MED12L: variants seen among roughly 807,000 people sequenced by gnomAD.
MED12L encodes mediator of RNA polymerase II transcription subunit 12-like protein.
A neutral mutation model predicts 281.3 loss-of-function variants in MED12L; 60 were observed. The ratio of observed to expected loss-of-function variants is 0.21; its 90% confidence interval spans 0.17 to 0.26. MED12L has a LOEUF of 0.26. Ranked by LOEUF, MED12L falls within the 10% of genes least tolerant of loss-of-function variation. The pLI is 1.00. For missense variants in MED12L, 2,146 were observed against 2,680.9 expected, an observed-to-expected ratio of 0.80 and a Z score of 4.41; for synonymous variants, 974 against 987.2, an observed-to-expected ratio of 0.99 and a Z score of 0.25.
At chr3:151,211,808 TG>T (rs1727215068) in intron 16 of MED12L, among the ~76,000 whole-genome samples, 1 of 152,154 alleles carries the variant, frequency 6.6e-6, no homozygotes, top group African/African-American at 2.4e-5. Flanking sequence ...CCACGACGCC[TG>T]GCTAATTATA....
rs1720360367 is a variant in MED12L, at chr3:151,164,052, A to G, written c.1257+10A>G. 6 of 1,611,478 alleles carry G rather than the reference A, an allele frequency of 3.7e-6. No homozygotes were observed. Among genetic ancestry groups the G allele is most frequent in the Non-Finnish European group, 5.1e-6 (6 of 1,178,500 alleles). ...GGCTTTCAATCAGCAGGTAGACTTT[A>G]TGTTTCAGTGATTTGATGGCTGTTT... On this transcript the variant is annotated intron_variant, in intron 9 of 44. Coordinates refer to ENST00000687756, the MANE Select transcript of MED12L (RefSeq NM_001393769.1).
chr3:151,312,196 G>T (rs902681739), intron 16 of MED12L, among the ~76,000 whole-genome samples: 2 of 152,198 alleles, frequency 1.3e-5, no homozygotes, highest in Admixed American at 6.5e-5. Flanking sequence ...CAAGATGGGG[G>T]ACAGGTAGGT....
intron 16 of MED12L, among the ~76,000 whole-genome samples, chr3:151,302,948 C>T (rs527789947): frequency 5.2e-4 from 79 of 152,162 alleles, no homozygotes; most frequent in African/African-American, 1.8e-3. Flanking sequence ...GAGGTGTACC[C>T]GAACTGAGGG....
intron 2 of MED12L, among the ~76,000 whole-genome samples, chr3:151,095,569 C>T (rs1328073773): frequency 6.6e-6 from 1 of 152,144 alleles, no homozygotes; most frequent in African/African-American, 2.4e-5. Context: ...AACTCCTGAC[C>T]TCAGGTGAGC....
chr3:151,374,809 G>A (rs1239359159), intron 27 of MED12L, among the ~76,000 whole-genome samples: 3 of 152,008 alleles, frequency 2.0e-5, no homozygotes, highest in East Asian at 1.9e-4. Context: ...TTTCAAAAGT[G>A]AAACTATACA....
At chr3:151,153,916 A>G (rs1182837062) in intron 5 of MED12L, among the ~76,000 whole-genome samples, 1 of 152,130 alleles carries the variant, frequency 6.6e-6, no homozygotes, top group Non-Finnish European at 1.5e-5. Flanking sequence ...CTCCAGACCA[A>G]TTAAATTAGA....
intron 16 of MED12L, among the ~76,000 whole-genome samples, chr3:151,292,190 T>C (rs776399281): frequency 6.6e-6 from 1 of 152,188 alleles, no homozygotes; most frequent in Non-Finnish European, 1.5e-5. Flanking sequence ...ATAATATCAT[T>C]TTTGAGATTA....
intron 16 of MED12L, among the ~76,000 whole-genome samples, chr3:151,309,114 TACACGCACACACACACACACAC>T (rs1470604398): frequency 2.2e-5 from 3 of 137,978 alleles, no homozygotes; most frequent in Non-Finnish European, 4.6e-5. Context: ...TTTCATGAAA[TACACGCACACACACACACACAC>T]ACACGCACAC....
chr3:151,242,527 G>T (rs559698024), intron 16 of MED12L, among the ~76,000 whole-genome samples: 15 of 152,148 alleles, frequency 9.9e-5, no homozygotes, highest in African/African-American at 3.6e-4. Flanking sequence ...CACACAGCAG[G>T]GTATTCCAAC....
intron 20 of MED12L, among the ~76,000 whole-genome samples, chr3:151,359,362 G>A (rs1340852751): frequency 6.6e-6 from 1 of 151,934 alleles, no homozygotes; most frequent in Non-Finnish European, 1.5e-5. Flanking sequence ...TGTTCTAATT[G>A]GCAGCTTTTA....
intron 16 of MED12L, among the ~76,000 whole-genome samples, chr3:151,330,044 C>T (rs1219964977): frequency 6.6e-6 from 1 of 152,076 alleles, no homozygotes; most frequent in East Asian, 1.9e-4. Flanking sequence ...ACTATTAGAT[C>T]CAGATTTTTG....
At chr3:151,106,482 C>A (rs1156694953) in intron 2 of MED12L, among the ~76,000 whole-genome samples, 14 of 151,930 alleles carry the variant, frequency 9.2e-5, no homozygotes, top group Admixed American at 9.2e-4. Context: ...CCTGATGTCA[C>A]CTTCTTGCTT....
At chr3:151,195,431 A>G (rs1724523387) in intron 16 of MED12L, among the ~76,000 whole-genome samples, 1 of 152,030 alleles carries the variant, frequency 6.6e-6, no homozygotes, top group South Asian at 2.1e-4. Flanking sequence ...TTTCCTTATT[A>G]CAATTAATCC....
intron 21 of MED12L, among the ~76,000 whole-genome samples, chr3:151,364,758 G>C (rs1460797167): frequency 6.6e-6 from 1 of 151,936 alleles, no homozygotes; most frequent in Non-Finnish European, 1.5e-5. Flanking sequence ...TTTCTGTTTT[G>C]TTCTTCCACC....
At chr3:151,315,146 A>G (rs910286407) in intron 16 of MED12L, among the ~76,000 whole-genome samples, 2 of 152,152 alleles carry the variant, frequency 1.3e-5, no homozygotes, top group Non-Finnish European at 2.9e-5. Context: ...TCAGGAGCAT[A>G]CAAGGAACTA....
At chr3:151,300,074 T>A (rs1745691650) in intron 16 of MED12L, 1 of 1,602,996 alleles carries the variant, frequency 6.2e-7, no homozygotes. Context: ...TACTTGGTAA[T>A]TTTGCAAGCG....
At chr3:151,349,996 GGATATGAAATGCAAC>G (rs1172074654) in intron 16 of MED12L, 48 bp from the exon 17 acceptor site, 1 of 1,509,530 alleles carries the variant, frequency 6.6e-7, no homozygotes, top group African/African-American at 1.4e-5. Flanking sequence ...TGCATTTCAG[GGATATGAAATGCAAC>G]CCCACCCCTG....
intron 16 of MED12L, chr3:151,299,915 T>C: frequency 1.5e-6 from 1 of 686,132 alleles, no homozygotes; most frequent in Middle Eastern, 3.1e-4. Context: ...TCCTGCATGT[T>C]TGCTGTTTTA....
intron 16 of MED12L, chr3:151,327,883 A>T (rs929594416): frequency 1.6e-5 from 13 of 796,098 alleles, no homozygotes; most frequent in Non-Finnish European, 2.6e-5. Flanking sequence ...GAGGATAATA[A>T]AATGTAAGAG....
Sources: gnomAD v4.1 joint callset for allele counts (sites outside exome capture counted in the v4.1 genomes callset) on GRCh38, gnomAD v4.1.1 for gene constraint, MANE v1.5 for transcripts, NCBI Gene and HGNC (gene_info 2026-07-23, HGNC 2026-07-21) for gene names.